The following ATG7 variants were observed in gnomAD, a reference collection of about 807,000 sequenced individuals.
ATG7 encodes the protein ubiquitin-like modifier-activating enzyme ATG7.
A neutral mutation model predicts 82.4 loss-of-function variants in ATG7; 70 were observed. The ratio of observed to expected loss-of-function variants is 0.85; its 90% CI spans 0.70 to 1.04. The LOEUF is 1.04. Among genes scored for constraint, ATG7 ranks in the 50% least tolerant of loss-of-function variants. The pLI is 0.00. For synonymous variants in ATG7, 287 were observed against 313.0 expected (o/e 0.92, Z 0.88); for missense variants, 792 against 864.3 (o/e 0.92, Z 1.05).
rs115019752 is a variant in ATG7 at position 11,307,573 on chromosome 3, G to A, written c.333+513G>A. ...TTTCCTTTCTGACCTCTTTACTCTT[G>A]CCCTTGCATTCTCTGAGTCTGTCAT... On this transcript the variant is annotated intron_variant, in intron 6 of 20. Coordinates refer to ENST00000693202, the MANE Select transcript of ATG7 (RefSeq NM_001349232.2). Among the ~76,000 whole-genome samples the A allele has an allele frequency of 2.7e-3, 412 of 152,230 alleles. 3 individuals carry two copies. Among genetic ancestry groups the A allele is most frequent in the African/African-American group, 9.3e-3 (388 of 41,508 alleles).
chr3:11,573,917 A>G, the ATG7 span, among the ~76,000 whole-genome samples: 1 of 152,328 alleles, frequency 6.6e-6, no homozygotes, highest in Non-Finnish European at 1.5e-5. Context: ...CTGGTGTCCT[A>G]TTAGAAAACA....
intron 5 of ATG7, among the ~76,000 whole-genome samples, chr3:11,303,539 G>A (rs2152699565): frequency 6.6e-6 from 1 of 151,664 alleles, no homozygotes; most frequent in South Asian, 2.1e-4. Context: ...CGTGGTGCCG[G>A]CGCCTGTAGT....
intron 20 of ATG7, among the ~76,000 whole-genome samples, chr3:11,443,170 T>G (rs1250571981): frequency 6.6e-6 from 1 of 152,146 alleles, no homozygotes; most frequent in Non-Finnish European, 1.5e-5. Flanking sequence ...TACACACTTC[T>G]GTGTGGGGCG....
chr3:11,368,250 A>AAAAG (rs2076759927), intron 18 of ATG7, among the ~76,000 whole-genome samples: 2 of 150,228 alleles, frequency 1.3e-5, no homozygotes, highest in African/African-American at 4.9e-5. Context: ...AAAAAAAAAA[A>AAAAG]AAGAAGAAGA....
rs1223930689 is a variant in ATG7, at chr3:11,342,120, T to A, written c.981-15T>A. 8.7e-6 allele frequency: 14 copies of A among 1,605,052 alleles called. No individual in the cohort carries two copies. The highest frequency in any genetic ancestry group is 1.2e-5 in the Non-Finnish European group (14 of 1,176,960). On this transcript the variant is annotated splice_polypyrimidine_tract_variant and intron_variant, in intron 12 of 20. Transcript: ENST00000693202. ...ATAAAGGAGTGACTGAATAAGTAAA[T>A]CTCTCCTTTTCTAGGTTAGCTGAGT...
At chr3:11,324,049 C>A (rs149668754) in intron 9 of ATG7, among the ~76,000 whole-genome samples, 114 of 152,318 alleles carry the variant, frequency 7.5e-4, no homozygotes, top group African/African-American at 2.6e-3. Flanking sequence ...ATGACTGAAT[C>A]ATTTCAATGA....
chr3:11,388,522 A>G (rs1302691603), intron 19 of ATG7, among the ~76,000 whole-genome samples: 2 of 150,342 alleles, frequency 1.3e-5, no homozygotes, highest in African/African-American at 2.5e-5. Context: ...TCCGCCTCCC[A>G]GGTTCATGCC....
intron 20 of ATG7, among the ~76,000 whole-genome samples, chr3:11,508,618 A>G (rs146474973): frequency 6.6e-6 from 1 of 152,084 alleles, no homozygotes; most frequent in Non-Finnish European, 1.5e-5. Flanking sequence ...TAATATTATT[A>G]TTATTTTCTT....
the ATG7 span, among the ~76,000 whole-genome samples, chr3:11,574,739 CTATGTA>C: frequency 1.3e-5 from 2 of 151,504 alleles, no homozygotes; most frequent in Non-Finnish European, 2.9e-5. Flanking sequence ...CGAAACTTCA[CTATGTA>C]CCCCATGAAT....
intron 20 of ATG7, among the ~76,000 whole-genome samples, chr3:11,465,170 G>A (rs1440308109): frequency 2.0e-5 from 3 of 151,822 alleles, no homozygotes; most frequent in African/African-American, 4.8e-5. Context: ...ATTAAAATGA[G>A]CCTGGGCCGG....
intron 20 of ATG7, among the ~76,000 whole-genome samples, chr3:11,544,580 C>T (rs2071111538): frequency 6.6e-6 from 1 of 152,220 alleles, no homozygotes; most frequent in African/African-American, 2.4e-5. Flanking sequence ...TGGCCTGCCA[C>T]CCCAGCTGCT....
intron 19 of ATG7, among the ~76,000 whole-genome samples, chr3:11,421,179 G>A (rs1015533485): frequency 6.6e-5 from 10 of 152,318 alleles, no homozygotes; most frequent in African/African-American, 2.4e-4. Flanking sequence ...GGTGGTAGTT[G>A]CCAAAGGTTG....
chr3:11,563,434 C>T, the ATG7 span, among the ~76,000 whole-genome samples: 4 of 152,234 alleles, frequency 2.6e-5, no homozygotes, highest in Non-Finnish European at 4.4e-5. Flanking sequence ...ACTGCGCACA[C>T]GCCTCTGTTC....
chr3:11,532,878 G>C (rs1575218492), intron 20 of ATG7, among the ~76,000 whole-genome samples: 1 of 152,230 alleles, frequency 6.6e-6, no homozygotes. Context: ...TTATTTTGTT[G>C]AGAGTTAAAA....
At chr3:11,278,059 A>C (rs540761754) in intron 1 of ATG7, among the ~76,000 whole-genome samples, 14 of 152,246 alleles carry the variant, frequency 9.2e-5, no homozygotes, top group Admixed American at 2.6e-4. Flanking sequence ...AGGCAGTCAG[A>C]CCTTATGGTT....
intron 20 of ATG7, among the ~76,000 whole-genome samples, chr3:11,511,437 G>A (rs1559779407): frequency 6.6e-6 from 1 of 152,200 alleles, no homozygotes; most frequent in Non-Finnish European, 1.5e-5. Context: ...CAAACCTTGA[G>A]CTAAACACAG....
intron 20 of ATG7, among the ~76,000 whole-genome samples, chr3:11,455,923 C>T (rs914688910): frequency 6.6e-6 from 1 of 152,192 alleles, no homozygotes; most frequent in Non-Finnish European, 1.5e-5. Flanking sequence ...AATTCTGTAT[C>T]CCTTCTTTGA....
chr3:11,381,349 G>T (rs1442187566), intron 19 of ATG7, among the ~76,000 whole-genome samples: 2 of 152,126 alleles, frequency 1.3e-5, no homozygotes, highest in East Asian at 3.8e-4. Context: ...AAATAACTTG[G>T]CAGTATTAAT....
chr3:11,536,021 G>C (rs2070256338), intron 20 of ATG7, among the ~76,000 whole-genome samples: 1 of 152,192 alleles, frequency 6.6e-6, no homozygotes, highest in Non-Finnish European at 1.5e-5. Flanking sequence ...CCCAACTGCT[G>C]GGGCCTCCAT....
Sources: allele counts gnomAD v4.1 joint callset (sites outside exome capture counted in the v4.1 genomes callset), GRCh38; gene constraint gnomAD v4.1.1; transcripts MANE v1.5; gene names NCBI Gene and HGNC (gene_info 2026-07-23, HGNC 2026-07-21).